Variants in RNF212B observed in about 807,000 individuals in gnomAD.
RNF212B encodes E3 ubiquitin-protein ligase RNF212B.
A neutral mutation model predicts 55.5 loss-of-function variants in RNF212B; 52 were observed. The ratio of observed to expected loss-of-function variants is 0.94; its 90% CI spans 0.75 to 1.18. The LOEUF (loss-of-function observed/expected upper bound fraction) is 1.18. Ranked by LOEUF, RNF212B falls within the 50% of genes most tolerant of loss-of-function variation. The pLI, the probability that RNF212B is intolerant of heterozygous loss-of-function variation, is 0.00. For missense variants in RNF212B, 289 were observed against 350.4 expected (o/e 0.82, Z 1.40); for synonymous variants, 99 against 121.4 (o/e 0.82, Z 1.21).
At chr14:23,243,694 CAAAAAAA>C (rs761227119) in intron 3 of RNF212B, among the ~76,000 whole-genome samples, 3 of 32,530 alleles carry the variant, frequency 9.2e-5, no homozygotes, top group Non-Finnish European at 1.8e-4. Flanking sequence ...GACTCTGTCT[CAAAAAAA>C]AAAAAAAAAA....
intron 4 of RNF212B, among the ~76,000 whole-genome samples, chr14:23,252,693 C>G (rs533143318): frequency 2.0e-5 from 3 of 152,094 alleles, no homozygotes; most frequent in Admixed American, 2.0e-4. Context: ...TCATGAGAAG[C>G]GGGGATGAAG....
At chr14:23,244,448 G>A in intron 4 of RNF212B, 52 bp downstream of exon 4, 1 of 946,502 alleles carries the variant, frequency 1.1e-6, no homozygotes. Flanking sequence ...AATTCTAATT[G>A]CATCTTATTC....
At chr14:23,263,137 T>C (rs892411755) in intron 9 of RNF212B, among the ~76,000 whole-genome samples, 167 bp downstream of exon 9, 2 of 152,022 alleles carry the variant, frequency 1.3e-5, no homozygotes, top group Admixed American at 1.3e-4. Context: ...TTATTAAAGA[T>C]ACTGTCCATT....
At chr14:23,213,251 T>C (rs915789104) in intron 2 of RNF212B, among the ~76,000 whole-genome samples, 1 of 151,518 alleles carries the variant, frequency 6.6e-6, no homozygotes, top group Non-Finnish European at 1.5e-5. Flanking sequence ...AGGCGGAGCT[T>C]GCAGTGAGCC....
At chr14:23,260,835 C>G in intron 7 of RNF212B, 148 bp downstream of exon 7, 6 of 727,816 alleles carry the variant, frequency 8.2e-6, no homozygotes, top group Non-Finnish European at 1.2e-5. Flanking sequence ...CTGAAAGTGC[C>G]GAAGTAAAAT....
At chr14:23,263,130 T>G (rs1357309623) in intron 9 of RNF212B, among the ~76,000 whole-genome samples, 160 bp downstream of exon 9, 1 of 152,076 alleles carries the variant, frequency 6.6e-6, no homozygotes, top group African/African-American at 2.4e-5. Context: ...TCCAGCTTTA[T>G]TAAAGATACT....
chr14:23,192,557 G>A lies in RNF212B; in HGVS notation c.-78-768G>A, dbSNP rs919231241. Among the ~76,000 whole-genome samples the A allele has an allele frequency of 4.2e-5, 6 of 141,392 alleles. No homozygotes were observed. The East Asian group carries it at 1.5e-3, about 35-fold the overall frequency. The allele number at this position is 141,392 out of a possible 152,430, so 92.8% of individuals were successfully genotyped here. Reference sequence around the variant, plus strand: ...GTTGTGGGGTGGGGGGAGGGGGAAGGGATAGCATTAGGAGATATACCTAAT... The same window carrying A: ...GTTGTGGGGTGGGGGGAGGGGGAAGAGATAGCATTAGGAGATATACCTAAT... On this transcript the variant is annotated intron_variant, in intron 1 of 15. Transcript: ENST00000399910.
At chr14:23,255,960 G>A (rs889795103) in intron 4 of RNF212B, among the ~76,000 whole-genome samples, 2 of 152,254 alleles carry the variant, frequency 1.3e-5, no homozygotes, top group Middle Eastern at 6.8e-3. Context: ...CTCCTTGCTG[G>A]TTGTTTTCTG....
intron 4 of RNF212B, 161 bp from the exon 5 acceptor site, chr14:23,258,388 T>G: frequency 8.0e-6 from 3 of 373,536 alleles, no homozygotes; most frequent in Non-Finnish European, 1.4e-5. Flanking sequence ...TGGAAATGAG[T>G]GCTGAGCTCT....
intron 1 of RNF212B, among the ~76,000 whole-genome samples, chr14:23,193,029 T>C (rs1594855495): frequency 6.9e-6 from 1 of 145,674 alleles, no homozygotes; most frequent in Non-Finnish European, 1.5e-5. Flanking sequence ...GAGGTGGAGG[T>C]TGCTGTGAGA....
intron 2 of RNF212B, chr14:23,230,195 G>A (rs1417665625): frequency 6.6e-6 from 1 of 152,174 alleles, no homozygotes; most frequent in African/African-American, 2.4e-5. Flanking sequence ...TTTATATTTT[G>A]AATATTAAAA....
intron 2 of RNF212B, among the ~76,000 whole-genome samples, chr14:23,221,245 A>G (rs538815283): frequency 2.6e-5 from 4 of 152,052 alleles, no homozygotes; most frequent in South Asian, 2.1e-4. Context: ...AAAAAAAAAA[A>G]AAAGAAAGAA....
Position 23,243,695 on chromosome 14 carries a change from A to AAC in RNF212B, c.153+388_153+389insCA, listed in dbSNP as rs1491091965. Among the ~76,000 whole-genome samples, 4 of 77,152 alleles carry AAC rather than the reference A, an allele frequency of 5.2e-5. No homozygotes were observed. The East Asian group carries it at 1.1e-3, about 22-fold the overall frequency. The allele number at this position is 77,152 out of a possible 152,430, so 50.6% of individuals were successfully genotyped here. A position where few individuals can be genotyped will look rare whatever the true frequency, so the allele number is the denominator to read the frequency against. ...TGGGCTCAGAGTAAGACTCTGTCTC[A>AAC]AAAAAAAAAAAAAAAAAAAAAAAAG... On this transcript the variant is annotated intron_variant, in intron 3 of 14. Coordinates refer to ENST00000430154, the MANE Select transcript of RNF212B (RefSeq NM_001282322.3).
At chr14:23,229,220 T>TTATATATA (rs61656270) in intron 2 of RNF212B, among the ~76,000 whole-genome samples, 1,214 of 64,230 alleles carry the variant, frequency 0.019, 72 homozygotes, top group East Asian at 0.029. Context: ...GAATAATATT[T>TTATATATA]TATATATATA....
At chr14:23,264,290 C>T in intron 10 of RNF212B, 56 bp downstream of exon 10, 1 of 1,344,170 alleles carries the variant, frequency 7.4e-7, no homozygotes, top group Non-Finnish European at 1.0e-6. Flanking sequence ...TAAATGAAAG[C>T]AAAGGTTTAT....
chr14:23,219,936 CA>C (rs1282366234), intron 2 of RNF212B, among the ~76,000 whole-genome samples: 2 of 152,044 alleles, frequency 1.3e-5, no homozygotes, highest in Non-Finnish European at 2.9e-5. Context: ...GTAATCCCAG[CA>C]TTTTGGGAAG....
intron 4 of RNF212B, among the ~76,000 whole-genome samples, chr14:23,249,718 A>C (rs1185187713): frequency 6.6e-6 from 1 of 152,186 alleles, no homozygotes; most frequent in Non-Finnish European, 1.5e-5. Context: ...TCCTTTGATC[A>C]TACAAACTGT....
At chr14:23,261,976 C>CA (rs1885327331) in intron 7 of RNF212B, among the ~76,000 whole-genome samples, 1 of 151,434 alleles carries the variant, frequency 6.6e-6, no homozygotes. Flanking sequence ...TCAAAACAAA[C>CA]AAAAAAACAG....
intron 11 of RNF212B, 113 bp downstream of exon 11, chr14:23,264,784 C>T: frequency 3.9e-6 from 2 of 510,012 alleles, no homozygotes; most frequent in Non-Finnish European, 6.2e-6. Context: ...TTTTTCCTGA[C>T]AGTGATTCCA....
Sources: allele counts gnomAD v4.1 joint callset (sites outside exome capture counted in the v4.1 genomes callset), GRCh38; gene constraint gnomAD v4.1.1; transcripts MANE v1.5; gene names NCBI Gene and HGNC (gene_info 2026-07-23, HGNC 2026-07-21).